CCDC50: variants seen among roughly 807,000 people sequenced by gnomAD.
CCDC50 encodes the protein coiled-coil domain containing 50, also known as coiled-coil domain-containing protein 50.
A neutral mutation model predicts 70.2 loss-of-function variants in CCDC50; 54 were observed. The observed-to-expected ratio is 0.77, with a 90% CI of 0.62 to 0.96. CCDC50 has a LOEUF of 0.96. Among genes scored for constraint, CCDC50 ranks in the 50% least tolerant of loss-of-function variants. CCDC50 has a pLI of 0.00. For missense variants in CCDC50, 558 were observed against 578.7 expected (o/e 0.96, Z 0.37); for synonymous variants, 216 against 198.8 (o/e 1.09, Z -0.73).
Position 191,369,964 on chromosome 3 carries a change from A to C in CCDC50, c.376A>C (p.Lys126Gln). 6.2e-7 allele frequency: 1 copy of C among 1,613,548 alleles called. No homozygotes were observed. ...AGAAAAGGAGTTACAGGAAGAGAAA[A>C]AGAGAAAGAAACACTTTCCAGAGTT... is the stretch of plus-strand genomic sequence containing the variant. ...LQEKELQEEK[K>Q]RKKHFPEFPA... Residue 126 changes from lysine (K) to glutamine (Q), a missense_variant, in exon 5 of 12, where the codon AAG (lysine) becomes CAG (glutamine). By Grantham distance (53) the Lys-to-Gln change is moderately conservative. Coordinates refer to ENST00000392455, the MANE Select transcript of CCDC50 (RefSeq NM_178335.3).
chr3:191,342,040 A>G (rs1711750011), intron 1 of CCDC50, among the ~76,000 whole-genome samples: 1 of 152,202 alleles, frequency 6.6e-6, no homozygotes, highest in Non-Finnish European at 1.5e-5. Flanking sequence ...CATGATCTCA[A>G]GGTATCTTTT....
At chr3:191,367,834 C>T (rs1403010277) in intron 4 of CCDC50, among the ~76,000 whole-genome samples, 4 of 152,044 alleles carry the variant, frequency 2.6e-5, no homozygotes, top group Non-Finnish European at 4.4e-5. Flanking sequence ...GAAATGTTTA[C>T]GTTTCTTTCT....
intron 1 of CCDC50, among the ~76,000 whole-genome samples, chr3:191,340,168 G>C (rs1711673231): frequency 6.6e-6 from 1 of 152,156 alleles, no homozygotes; most frequent in Non-Finnish European, 1.5e-5. Context: ...CACAGGTCAG[G>C]ACATGAGGCT....
intron 5 of CCDC50, among the ~76,000 whole-genome samples, chr3:191,371,645 A>T (rs1317326709): frequency 6.6e-6 from 1 of 152,190 alleles, no homozygotes; most frequent in Non-Finnish European, 1.5e-5. Flanking sequence ...TTGCCCAGTA[A>T]CATTTTTTGC....
At chr3:191,377,267 G>A (rs1303537430) in intron 6 of CCDC50, among the ~76,000 whole-genome samples, 1 of 152,108 alleles carries the variant, frequency 6.6e-6, no homozygotes, top group Admixed American at 6.6e-5. Context: ...CTAGGTAGTG[G>A]CATCTATTCT....
At position 191,382,730 on chromosome 3, in the gene CCDC50, G is replaced by A; in HGVS notation, c.1243-16G>A. 1 of 1,553,910 alleles carries A rather than the reference G, an allele frequency of 6.4e-7. No homozygotes were observed. The highest frequency in any genetic ancestry group is 8.9e-7 in the Non-Finnish European group (1 of 1,126,746). ...GTGTGTTATTTTTGTTTGTTTGTTTGTATTTTTGTCCATAGCCAAAAACAG... is the reference window on the plus strand; with the variant it reads ...GTGTGTTATTTTTGTTTGTTTGTTTATATTTTTGTCCATAGCCAAAAACAG... On this transcript the variant is annotated splice_polypyrimidine_tract_variant and intron_variant, in intron 9 of 11. Transcript: ENST00000392455.
Position 191,329,527 on chromosome 3 carries a change from G to C in CCDC50, c.-148G>C. 6 of 661,052 alleles carry C rather than the reference G, an allele frequency of 9.1e-6. No homozygotes were observed. Among genetic ancestry groups the C allele is most frequent in the Non-Finnish European group, 1.2e-5 (5 of 419,192 alleles). The allele number at this position is 661,052 out of a possible 1,614,324, so 40.9% of individuals were successfully genotyped here. A position where few individuals can be genotyped will look rare whatever the true frequency, so the allele number is the denominator to read the frequency against. On this transcript the variant is annotated 5_prime_UTR_variant, in exon 1 of 12. Transcript: ENST00000392455. The stretch of plus-strand genomic sequence containing the variant: ...CTGCTTTGGTCACCAGCCCCTGCCC[G>C]CCCGACCCGCTCCGTTCTCCGGCCT...
Position 191,329,628 on chromosome 3 carries a change from T to A in CCDC50, c.-47T>A. The A allele has an allele frequency of 6.3e-7, 1 of 1,582,402 alleles. No individual in the cohort carries two copies. Among genetic ancestry groups the A allele is most frequent in the Non-Finnish European group, 8.6e-7 (1 of 1,165,524 alleles). On this transcript the variant is annotated 5_prime_UTR_variant, in exon 1 of 12. Coordinates refer to ENST00000392455, the MANE Select transcript of CCDC50 (RefSeq NM_178335.3). ...TCGGGGCCCCGCTCGGCGCCGGCGGTGACCGGGAAGCCCGCGTTAAAGGGG... is the reference window on the plus strand; with the variant it reads ...TCGGGGCCCCGCTCGGCGCCGGCGGAGACCGGGAAGCCCGCGTTAAAGGGG...
intron 9 of CCDC50, 78 bp downstream of exon 9, chr3:191,381,010 C>T: frequency 9.3e-7 from 1 of 1,078,402 alleles, no homozygotes; most frequent in South Asian, 1.4e-5. Context: ...GAGTTAAGCT[C>T]TGCAAATATA....
chr3:191,357,052 G>C (rs1712310717), intron 1 of CCDC50, 36 bp from the exon 2 acceptor site: 2 of 1,344,886 alleles, frequency 1.5e-6, no homozygotes, highest in Non-Finnish European at 2.1e-6. Context: ...TATTACTAAT[G>C]AGCCTTCCTG....
chr3:191,374,611 T>C (rs1713028422), intron 5 of CCDC50, among the ~76,000 whole-genome samples: 3 of 152,324 alleles, frequency 2.0e-5, no homozygotes, highest in South Asian at 4.1e-4. Context: ...GATAGTTTTA[T>C]TGGCATTTCC....
intron 1 of CCDC50, among the ~76,000 whole-genome samples, chr3:191,342,597 A>C (rs756109386): frequency 6.6e-6 from 1 of 152,236 alleles, no homozygotes. Flanking sequence ...TTTAATGGGC[A>C]TGGCTGGGTT....
intron 1 of CCDC50, among the ~76,000 whole-genome samples, chr3:191,354,376 A>T (rs531882387): frequency 1.3e-5 from 2 of 152,074 alleles, no homozygotes; most frequent in African/African-American, 4.8e-5. Flanking sequence ...AACCATAGGT[A>T]TATCTATCTA....
intron 3 of CCDC50, among the ~76,000 whole-genome samples, chr3:191,358,539 T>G (rs879187330): frequency 6.6e-6 from 1 of 152,228 alleles, no homozygotes; most frequent in African/African-American, 2.4e-5. Context: ...TCTAGCTGTG[T>G]TTGCCGCTCT....
At chr3:191,358,730 T>G (rs1257023601) in intron 3 of CCDC50, among the ~76,000 whole-genome samples, 1 of 152,234 alleles carries the variant, frequency 6.6e-6, no homozygotes, top group East Asian at 1.9e-4. Flanking sequence ...TTATTCTGTT[T>G]CAGTGTTATA....
rs1465225389 is a variant in CCDC50 at position 191,391,740 on chromosome 3, G to C, written c.1430-1G>C. 6.2e-7 allele frequency: 1 copy of C among 1,612,744 alleles called. No individual in the cohort carries two copies. The highest frequency in any genetic ancestry group is 8.5e-7 in the Non-Finnish European group (1 of 1,179,332). ...GTTTCCTTTTTTCTTCCCCTCCCCA[G>C]GTTTTCATTACAAACATTAAAAACC... On this transcript the variant is annotated splice_acceptor_variant, in intron 11 of 11. Transcript: ENST00000392455. LOFTEE classifies it high-confidence loss of function.
intron 4 of CCDC50, among the ~76,000 whole-genome samples, chr3:191,368,233 G>A (rs1712766693): frequency 6.6e-6 from 1 of 151,950 alleles, no homozygotes; most frequent in African/African-American, 2.4e-5. Flanking sequence ...TTCCATCAAA[G>A]TCTTAGAAAC....
chr3:191,339,618 A>T (rs752426984), intron 1 of CCDC50, among the ~76,000 whole-genome samples: 12 of 152,218 alleles, frequency 7.9e-5, no homozygotes, highest in Non-Finnish European at 1.5e-4. Context: ...AACATAAAAA[A>T]TTTGGTGATC....
chr3:191,331,306 C>T (rs2108625448), intron 1 of CCDC50, among the ~76,000 whole-genome samples: 1 of 152,290 alleles, frequency 6.6e-6, no homozygotes, highest in South Asian at 2.1e-4. Flanking sequence ...AGTGAAAAAA[C>T]ATAAAACTCT....
Sources: gnomAD v4.1 joint callset for allele counts (sites outside exome capture counted in the v4.1 genomes callset) on GRCh38, gnomAD v4.1.1 for gene constraint, MANE v1.5 for transcripts, NCBI Gene and HGNC (gene_info 2026-07-23, HGNC 2026-07-21) for gene names.